The following RORA variants were observed in gnomAD, a reference collection of about 807,000 sequenced individuals.
The protein encoded by RORA is RAR related orphan receptor A, also known as nuclear receptor ROR-alpha.
A neutral mutation model predicts 69.5 loss-of-function variants in RORA; 7 were observed. The ratio of observed to expected loss-of-function variants is 0.10; its 90% CI spans 0.06 to 0.19. The LOEUF (loss-of-function observed/expected upper bound fraction) is 0.19, where lower values mean the gene tolerates loss of function less well. Among genes scored for constraint, RORA ranks in the 10% least tolerant of loss-of-function variants. The pLI, the probability that RORA is intolerant of heterozygous loss-of-function variation, is 1.00. For synonymous variants in RORA, 261 were observed against 240.8 expected (o/e 1.08, Z -0.78); for missense variants, 457 against 663.0 (o/e 0.69, Z 3.41).
intron 1 of RORA, among the ~76,000 whole-genome samples, chr15:61,218,908 C>T (rs2080067620): frequency 6.6e-6 from 1 of 152,216 alleles, no homozygotes; most frequent in Admixed American, 6.5e-5. Flanking sequence ...CTTAAATCCT[C>T]TACTTTGAGA....
intron 2 of RORA, among the ~76,000 whole-genome samples, chr15:60,543,635 C>T (rs919871821): frequency 2.2e-4 from 34 of 152,244 alleles, no homozygotes; most frequent in South Asian, 1.0e-3. Flanking sequence ...CACACCACCA[C>T]ACCTGGCTTT....
In RORA at chr15:60,537,884, G is replaced by A. The variant is rs1027061301; in HGVS notation, c.197-6033C>T. On this transcript the variant is annotated intron_variant, in intron 2 of 10. Transcript: ENST00000335670. The surrounding 1 kb of genome is among the most constrained non-coding windows in gnomAD (Gnocchi z 4.9). ...CCCTACTCCTTCAGTAAGCAGTCTC[G>A]CAGTCATTTTTGGCAAAAATAGTAA... is the stretch of plus-strand genomic sequence containing the variant. Among the ~76,000 whole-genome samples, 8 of 152,122 alleles carry A rather than the reference G, an allele frequency of 5.3e-5. No homozygotes were observed. Among genetic ancestry groups the A allele is most frequent in the African/African-American group, 1.9e-4 (8 of 41,430 alleles).
intron 1 of RORA, among the ~76,000 whole-genome samples, chr15:60,887,691 C>A (rs957605442): frequency 1.3e-5 from 2 of 152,138 alleles, no homozygotes; most frequent in African/African-American, 4.8e-5. Context: ...ATAACACACT[C>A]TCTTTGGCAC....
chr15:60,572,481 C>T (rs1309620998), intron 2 of RORA, among the ~76,000 whole-genome samples: 5 of 151,138 alleles, frequency 3.3e-5, no homozygotes, highest in Non-Finnish European at 7.4e-5. Flanking sequence ...ACAACTGGAT[C>T]ATCCGGCTTT....
chr15:60,837,021 C>T lies in RORA; in HGVS notation c.167-158335G>A, dbSNP rs115478653. On this transcript the variant is annotated intron_variant, in intron 1 of 10. Coordinates refer to ENST00000335670, the MANE Select transcript of RORA (RefSeq NM_134261.3). The stretch of plus-strand genomic sequence containing the variant: ...TAAACTCATGCTCACATACAAAATT[C>T]ATATTCATACCTTGACCTTTTTTTT... 6.8e-3 allele frequency among the ~76,000 whole-genome samples: 1,016 copies of T among 148,710 alleles called. 11 individuals are homozygous for T. The highest frequency in any genetic ancestry group is 0.022 in the African/African-American group (900 of 41,030).
At chr15:61,081,621 C>T (rs2078541527) in intron 1 of RORA, among the ~76,000 whole-genome samples, 1 of 151,978 alleles carries the variant, frequency 6.6e-6, no homozygotes, top group Non-Finnish European at 1.5e-5. Context: ...TCCTGGCTAA[C>T]ATGGTGAAAC....
At chr15:60,982,067 T>C (rs1894059785) in intron 1 of RORA, among the ~76,000 whole-genome samples, 1 of 152,262 alleles carries the variant, frequency 6.6e-6, no homozygotes, top group African/African-American at 2.4e-5. Flanking sequence ...GTTAGCTTAG[T>C]GGCCAATTAA....
rs1595744960 is a variant in RORA, at chr15:60,825,118, C to T, written c.167-146432G>A. Among the ~76,000 whole-genome samples the T allele has an allele frequency of 2.6e-5, 4 of 152,130 alleles. No individual in the cohort carries two copies. The South Asian group carries it at 8.3e-4, about 32-fold the overall frequency. On this transcript the variant is annotated intron_variant, in intron 1 of 10. Coordinates refer to ENST00000335670, the MANE Select transcript of RORA (RefSeq NM_134261.3). The stretch of plus-strand genomic sequence containing the variant: ...GAATCAGTTGCTATCTTTCCTGTGC[C>T]GTGGCATCAGAGGTATCTGTTGTCA...
intron 1 of RORA, among the ~76,000 whole-genome samples, chr15:61,063,190 T>C (rs1242227396): frequency 6.6e-6 from 1 of 152,178 alleles, no homozygotes; most frequent in Non-Finnish European, 1.5e-5. Flanking sequence ...CAATAATATC[T>C]GAACCCTTCA....
chr15:60,753,262 T>C (rs2071752690), intron 1 of RORA, among the ~76,000 whole-genome samples: 1 of 152,238 alleles, frequency 6.6e-6, no homozygotes, highest in Non-Finnish European at 1.5e-5. Context: ...GCCTTGGTTT[T>C]CTTACCCAAG....
chr15:60,840,676 G>A (rs531766618), intron 1 of RORA, among the ~76,000 whole-genome samples: 2 of 152,352 alleles, frequency 1.3e-5, no homozygotes, highest in South Asian at 2.1e-4. Context: ...GGAGAAGAGC[G>A]AATGAGCTCT....
chr15:60,707,182 C>T (rs1298591233), intron 1 of RORA, among the ~76,000 whole-genome samples: 1 of 152,048 alleles, frequency 6.6e-6, no homozygotes, highest in African/African-American at 2.4e-5. Context: ...TGAAGCTTCT[C>T]AGAATGGAAA....
chr15:60,497,768 A>G, intron 10 of RORA, 149 bp from the exon 11 acceptor site: 1 of 687,114 alleles, frequency 1.5e-6, no homozygotes. Context: ...ATTGGTAAAA[A>G]TAAATGATGG....
At chr15:60,538,215 C>T (rs1056897782) in intron 2 of RORA, among the ~76,000 whole-genome samples, 1 of 152,024 alleles carries the variant, frequency 6.6e-6, no homozygotes, top group African/African-American at 2.4e-5. Context: ...GACATGACAC[C>T]AAAAAGAAAG....
At chr15:61,071,970 A>G (rs536508807) in intron 1 of RORA, among the ~76,000 whole-genome samples, 17 of 152,174 alleles carry the variant, frequency 1.1e-4, no homozygotes, top group Non-Finnish European at 1.8e-4. Context: ...ACAGTAAGAA[A>G]CAACCACTAA....
intron 2 of RORA, among the ~76,000 whole-genome samples, chr15:60,646,449 A>T (rs918535353): frequency 1.3e-5 from 2 of 152,184 alleles, no homozygotes; most frequent in African/African-American, 2.4e-5. Flanking sequence ...TACAAGGTGG[A>T]CCTCATGGTA....
intron 1 of RORA, among the ~76,000 whole-genome samples, chr15:60,781,578 G>A (rs1404251396): frequency 2.6e-5 from 4 of 152,048 alleles, no homozygotes; most frequent in Admixed American, 2.0e-4. Context: ...GTGCAGGGAC[G>A]GAGAACGCAC....
At chr15:61,216,419 A>G (rs1188075100) in intron 1 of RORA, among the ~76,000 whole-genome samples, 1 of 152,238 alleles carries the variant, frequency 6.6e-6, no homozygotes, top group Non-Finnish European at 1.5e-5. Flanking sequence ...TGAAAGACTC[A>G]GCAGTGGGTC....
chr15:61,017,016 C>CATT (rs200696927), intron 1 of RORA, among the ~76,000 whole-genome samples: 2 of 152,088 alleles, frequency 1.3e-5, no homozygotes, highest in Non-Finnish European at 2.9e-5. Flanking sequence ...AAAGTCACAC[C>CATT]ATTATTATTA....
Sources: gnomAD v4.1 joint callset for allele counts (sites outside exome capture counted in the v4.1 genomes callset) on GRCh38, gnomAD v4.1.1 for gene constraint, Gnocchi (gnomAD v3.1) non-coding constraint, MANE v1.5 for transcripts, NCBI Gene and HGNC (gene_info 2026-07-23, HGNC 2026-07-21) for gene names.